Variants in MLLT3 observed in about 807,000 individuals in gnomAD.
MLLT3 encodes the protein MLLT3 super elongation complex subunit.
In MLLT3, 4 loss-of-function variants were observed where a neutral mutation model predicts 53.2. The observed-to-expected ratio is 0.08, with a 90% confidence interval of 0.04 to 0.17. The LOEUF is 0.17. Among genes scored for constraint, MLLT3 ranks in the 10% least tolerant of loss-of-function variants. MLLT3 has a pLI of 1.00. For missense variants in MLLT3, 569 were observed against 684.0 expected (o/e 0.83, Z 1.87); for synonymous variants, 283 against 230.6 (o/e 1.23, Z -2.06).
intron 5 of MLLT3, among the ~76,000 whole-genome samples, chr9:20,413,442 A>G (rs1822782040): frequency 6.6e-6 from 1 of 152,212 alleles, no homozygotes; most frequent in African/African-American, 2.4e-5. Flanking sequence ...TTTGATGAGC[A>G]ACAAAATTTT....
intron 8 of MLLT3, among the ~76,000 whole-genome samples, chr9:20,358,530 G>C (rs73430712): frequency 0.017 from 2,611 of 152,240 alleles, 91 homozygotes; most frequent in African/African-American, 0.06. Context: ...TTTTGGTTTT[G>C]TTTTGCTAGA....
chr9:20,517,548 G>A (rs1000586453), intron 2 of MLLT3, among the ~76,000 whole-genome samples: 3 of 151,946 alleles, frequency 2.0e-5, no homozygotes, highest in African/African-American at 7.2e-5. Flanking sequence ...AGAAAATAAA[G>A]AAGCAGGGCC....
chr9:20,572,655 G>A (rs1819559204), intron 2 of MLLT3, among the ~76,000 whole-genome samples: 1 of 152,102 alleles, frequency 6.6e-6, no homozygotes, highest in Admixed American at 6.6e-5. Flanking sequence ...TTAGCTGGAT[G>A]TGATGGCAGG....
intron 2 of MLLT3, among the ~76,000 whole-genome samples, chr9:20,505,140 G>A (rs574465643): frequency 3.5e-4 from 53 of 152,298 alleles, no homozygotes; most frequent in Middle Eastern, 3.4e-3. Context: ...AAAGCATCCT[G>A]TCAAAATGAG....
intron 2 of MLLT3, among the ~76,000 whole-genome samples, chr9:20,546,062 T>C (rs1036665337): frequency 1.3e-5 from 2 of 151,988 alleles, no homozygotes; most frequent in African/African-American, 4.8e-5. Context: ...AGGGACAAGA[T>C]TGAGATTATT....
At chr9:20,579,037 A>G (rs560238403) in intron 2 of MLLT3, among the ~76,000 whole-genome samples, 1 of 152,248 alleles carries the variant, frequency 6.6e-6, no homozygotes, top group African/African-American at 2.4e-5. Flanking sequence ...AATGTAAAAC[A>G]TTTAACAATT....
At chr9:20,402,594 T>G (rs1449618652) in intron 5 of MLLT3, among the ~76,000 whole-genome samples, 1 of 152,194 alleles carries the variant, frequency 6.6e-6, no homozygotes, top group African/African-American at 2.4e-5. Flanking sequence ...GTTTTTATTA[T>G]GAAACAATAC....
At chr9:20,422,047 T>C (rs1418524211) in intron 4 of MLLT3, among the ~76,000 whole-genome samples, 6 of 152,128 alleles carry the variant, frequency 3.9e-5, no homozygotes, top group Non-Finnish European at 5.9e-5. Flanking sequence ...ACACCGAGTC[T>C]AAACAGAGCC....
At chr9:20,477,596 A>G (rs1824557972) in intron 2 of MLLT3, among the ~76,000 whole-genome samples, 1 of 152,014 alleles carries the variant, frequency 6.6e-6, no homozygotes, top group African/African-American at 2.4e-5. Context: ...ATAAATAAAT[A>G]AATAGCCCTC....
chr9:20,516,417 T>C (rs936385613), intron 2 of MLLT3, among the ~76,000 whole-genome samples: 2 of 152,238 alleles, frequency 1.3e-5, no homozygotes, highest in African/African-American at 2.4e-5. Flanking sequence ...ACAGTCTTAC[T>C]ACTCTCATTT....
chr9:20,385,933 A>C (rs904587432), intron 5 of MLLT3, among the ~76,000 whole-genome samples: 24 of 152,300 alleles, frequency 1.6e-4, no homozygotes, highest in African/African-American at 5.5e-4. Context: ...ATTCTGAAGT[A>C]AACTGCAATC....
intron 6 of MLLT3, among the ~76,000 whole-genome samples, chr9:20,365,098 G>C (rs1278568728): frequency 6.6e-6 from 1 of 152,128 alleles, no homozygotes; most frequent in South Asian, 2.1e-4. Context: ...TTTTGCTATT[G>C]TATTTCCTTT....
intron 2 of MLLT3, among the ~76,000 whole-genome samples, chr9:20,571,360 G>C (rs1819528160): frequency 6.6e-6 from 1 of 152,072 alleles, no homozygotes; most frequent in African/African-American, 2.4e-5. Flanking sequence ...GAAAATATTT[G>C]CAAAACCTAC....
rs543204519 is a variant in MLLT3 at position 20,349,769 on chromosome 9, G to A, written c.1576-3195C>T. Among the ~76,000 whole-genome samples the A allele has an allele frequency of 9.9e-5, 15 of 152,200 alleles. No individual in the cohort carries two copies. In the South Asian group the frequency reaches 1.5e-3, roughly 15 times the overall value. On this transcript the variant is annotated intron_variant, in intron 10 of 10. Transcript: ENST00000380338. The stretch of plus-strand genomic sequence containing the variant: ...ATCTCCAGTACTTCCATCACCACCC[G>A]CTACCTCCTCTATCACCATGTTGTG...
intron 4 of MLLT3, among the ~76,000 whole-genome samples, chr9:20,431,529 T>C (rs1823268301): frequency 6.6e-6 from 1 of 152,186 alleles, no homozygotes; most frequent in Middle Eastern, 3.2e-3. Context: ...AGGTTAAGCA[T>C]GGTTTATGAA....
chr9:20,366,964 G>A (rs1388643256), intron 5 of MLLT3, among the ~76,000 whole-genome samples: 2 of 152,210 alleles, frequency 1.3e-5, no homozygotes, highest in Admixed American at 1.3e-4. Flanking sequence ...ATCACACTAT[G>A]AGCCAGTTAA....
At chr9:20,465,393 A>G (rs1824210536) in intron 2 of MLLT3, among the ~76,000 whole-genome samples, 1 of 152,136 alleles carries the variant, frequency 6.6e-6, no homozygotes, top group Admixed American at 6.5e-5. Flanking sequence ...TAAATACGCT[A>G]CACCCATATT....
chr9:20,578,196 T>G (rs1166149571), intron 2 of MLLT3, among the ~76,000 whole-genome samples: 4 of 152,228 alleles, frequency 2.6e-5, no homozygotes, highest in African/African-American at 9.6e-5. Context: ...TGACCTTGAC[T>G]AAATAAGAAT....
At chr9:20,347,325 G>A (rs929325490) in intron 10 of MLLT3, among the ~76,000 whole-genome samples, 2 of 152,092 alleles carry the variant, frequency 1.3e-5, no homozygotes, top group Non-Finnish European at 2.9e-5. Flanking sequence ...TGATTCCCCT[G>A]AATATTTTGG....
Sources: gnomAD v4.1 joint callset for allele counts (sites outside exome capture counted in the v4.1 genomes callset) on GRCh38, gnomAD v4.1.1 for gene constraint, MANE v1.5 for transcripts, NCBI Gene and HGNC (gene_info 2026-07-23, HGNC 2026-07-21) for gene names.